The following SYNDIG1 variants were observed in gnomAD, a reference collection of about 807,000 sequenced individuals.
SYNDIG1 encodes synapse differentiation inducing 1, also known as synapse differentiation-inducing gene protein 1.
A neutral mutation model predicts 19.4 loss-of-function variants in SYNDIG1; 9 were observed. The ratio of observed to expected loss-of-function variants is 0.46; its 90% CI spans 0.28 to 0.81. The LOEUF (loss-of-function observed/expected upper bound fraction) is 0.81, where lower values mean the gene tolerates loss of function less well. SYNDIG1 is among the 30% of genes least tolerant of loss of function. The probability of loss-of-function intolerance (pLI) is 0.12; values close to 1 mark genes in which losing one functional copy is unlikely to be tolerated. For missense variants in SYNDIG1, 311 were observed against 343.3 expected (o/e 0.91, Z 0.74); for synonymous variants, 141 against 145.9 (o/e 0.97, Z 0.24).
At chr20:24,532,669 AAC>A (rs1464490849) in intron 1 of SYNDIG1, among the ~76,000 whole-genome samples, 1 of 152,224 alleles carries the variant, frequency 6.6e-6, no homozygotes, top group Non-Finnish European at 1.5e-5. Context: ...TAAAGAAAGC[AAC>A]AGAGTTGGGA....
intron 3 of SYNDIG1, among the ~76,000 whole-genome samples, chr20:24,600,007 A>C (rs555206821): frequency 1.3e-5 from 2 of 152,364 alleles, no homozygotes. Context: ...TACACATTAT[A>C]TACATCTAAC....
chr20:24,587,706 G>T (rs915020598), intron 3 of SYNDIG1, among the ~76,000 whole-genome samples: 1 of 152,236 alleles, frequency 6.6e-6, no homozygotes, highest in Non-Finnish European at 1.5e-5. Flanking sequence ...CCTCTCTGCC[G>T]CAGTGGCCAG....
intron 1 of SYNDIG1, among the ~76,000 whole-genome samples, chr20:24,541,582 A>C (rs1254082144): frequency 6.6e-6 from 1 of 152,140 alleles, no homozygotes; most frequent in Non-Finnish European, 1.5e-5. Flanking sequence ...GCCAAGCTCA[A>C]AACCAGACTC....
At chr20:24,501,710 A>C (rs533578737) in intron 1 of SYNDIG1, among the ~76,000 whole-genome samples, 3 of 152,328 alleles carry the variant, frequency 2.0e-5, no homozygotes, top group African/African-American at 7.2e-5. Context: ...TTTCATGGTA[A>C]GCTTAGTCCC....
At chr20:24,551,065 ACT>A (rs1370800831) in intron 2 of SYNDIG1, among the ~76,000 whole-genome samples, 2 of 151,662 alleles carry the variant, frequency 1.3e-5, no homozygotes, top group South Asian at 2.1e-4. Flanking sequence ...TTTCTGAAAG[ACT>A]CTGTTTAGTA....
chr20:24,512,264 A>G (rs1480174869), intron 1 of SYNDIG1, among the ~76,000 whole-genome samples: 1 of 150,496 alleles, frequency 6.6e-6, no homozygotes, highest in African/African-American at 2.4e-5. Context: ...ACTGGGTTCA[A>G]CTCACTGGGG....
At chr20:24,589,244 G>A (rs937223652) in intron 3 of SYNDIG1, among the ~76,000 whole-genome samples, 2 of 152,082 alleles carry the variant, frequency 1.3e-5, no homozygotes, top group Non-Finnish European at 2.9e-5. Flanking sequence ...TCCAGAAGGT[G>A]GAAAATTATT....
intron 1 of SYNDIG1, among the ~76,000 whole-genome samples, chr20:24,537,194 C>T (rs2057379275): frequency 1.3e-5 from 2 of 152,216 alleles, no homozygotes; most frequent in Admixed American, 1.3e-4. Flanking sequence ...TTCCCTCTGC[C>T]TGGAACATCT....
intron 1 of SYNDIG1, among the ~76,000 whole-genome samples, chr20:24,512,283 A>C (rs2056764018): frequency 6.6e-6 from 1 of 151,074 alleles, no homozygotes. Flanking sequence ...GGATCATCGG[A>C]CAGTGGGGGC....
At chr20:24,516,537 C>T (rs1339738234) in intron 1 of SYNDIG1, among the ~76,000 whole-genome samples, 2 of 152,206 alleles carry the variant, frequency 1.3e-5, no homozygotes, top group Non-Finnish European at 2.9e-5. Flanking sequence ...CAAAAGAAGA[C>T]ATTTATGCAG....
intron 1 of SYNDIG1, among the ~76,000 whole-genome samples, chr20:24,474,802 CA>C (rs1289389391): frequency 2.6e-5 from 4 of 152,356 alleles, no homozygotes; most frequent in African/African-American, 9.6e-5. Flanking sequence ...CACTTGGCCT[CA>C]CTGGGCAGGC....
intron 1 of SYNDIG1, among the ~76,000 whole-genome samples, chr20:24,524,046 A>T (rs764605744): frequency 3.9e-5 from 6 of 152,174 alleles, no homozygotes; most frequent in Non-Finnish European, 8.8e-5. Context: ...GCTGTGAGCT[A>T]CATCTTCTGA....
Position 24,665,981 on chromosome 20 carries a change from G to A in SYNDIG1, c.*477G>A, listed in dbSNP as rs112730362. On this transcript the variant is annotated 3_prime_UTR_variant, in exon 4 of 4. Coordinates refer to ENST00000376862, the MANE Select transcript of SYNDIG1 (RefSeq NM_024893.3). ...AGTCCACACGCCTTCCCTGCAAGACGAGAATGGGGCTGGGAAGAAAGAGGC... is the reference window on the plus strand; with the variant it reads ...AGTCCACACGCCTTCCCTGCAAGACAAGAATGGGGCTGGGAAGAAAGAGGC... 1,106 of 162,772 alleles carry A rather than the reference G, an allele frequency of 6.8e-3. 20 individuals carry two copies. The highest frequency in any genetic ancestry group is 0.025 in the African/African-American group (1,052 of 41,634). The allele number at this position is 162,772 out of a possible 1,614,324, so 10.1% of individuals were successfully genotyped here. A position where few individuals can be genotyped will look rare whatever the true frequency, so the allele number is the denominator to read the frequency against.
At chr20:24,563,088 G>A (rs1490647582) in intron 2 of SYNDIG1, among the ~76,000 whole-genome samples, 1 of 152,176 alleles carries the variant, frequency 6.6e-6, no homozygotes, top group East Asian at 1.9e-4. Context: ...CTTGTCTCAA[G>A]TAGTACTCAC....
chr20:24,654,290 C>G (rs1451522016), intron 3 of SYNDIG1, among the ~76,000 whole-genome samples: 1 of 151,756 alleles, frequency 6.6e-6, no homozygotes. Flanking sequence ...GGGTGAGGGT[C>G]AGGGGAAGGA....
chr20:24,629,885 G>A (rs1327481410), intron 3 of SYNDIG1, among the ~76,000 whole-genome samples: 2 of 152,168 alleles, frequency 1.3e-5, no homozygotes, highest in African/African-American at 4.8e-5. Context: ...TAACTGCTTG[G>A]AGACAGGCAA....
At chr20:24,533,631 G>T (rs1029905697) in intron 1 of SYNDIG1, among the ~76,000 whole-genome samples, 1 of 151,934 alleles carries the variant, frequency 6.6e-6, no homozygotes, top group African/African-American at 2.4e-5. Flanking sequence ...TTGATCTCTG[G>T]GGGGCGCTGG....
intron 1 of SYNDIG1, among the ~76,000 whole-genome samples, chr20:24,507,996 G>GACCCAGAAGA (rs1413379357): frequency 6.6e-6 from 1 of 152,072 alleles, no homozygotes; most frequent in African/African-American, 2.4e-5. Flanking sequence ...AAGAGCCTGG[G>GACCCAGAAGA]GCCCAAGAGG....
rs543440818 is a variant in SYNDIG1 at position 24,516,475 on chromosome 20, G to GA, written c.-78-26538dup. ...ATCCAGAACTCAAACAAATTTACGAGAAAAAAACAACCCTATCAACAAGTG... is the reference window on the plus strand; with the variant it reads ...ATCCAGAACTCAAACAAATTTACGAGAAAAAAAACAACCCTATCAACAAGTG... On this transcript the variant is annotated intron_variant, in intron 1 of 3. Coordinates refer to ENST00000376862, the MANE Select transcript of SYNDIG1 (RefSeq NM_024893.3). Among the ~76,000 whole-genome samples the GA allele has an allele frequency of 4.2e-3, 641 of 151,978 alleles. 6 individuals are homozygous for GA. Among genetic ancestry groups the GA allele is most frequent in the African/African-American group, 0.015 (613 of 41,492 alleles).
Sources: allele counts gnomAD v4.1 joint callset (sites outside exome capture counted in the v4.1 genomes callset), GRCh38; gene constraint gnomAD v4.1.1; transcripts MANE v1.5; gene names NCBI Gene and HGNC (gene_info 2026-07-23, HGNC 2026-07-21).